PLCB1: variants seen among roughly 807,000 people sequenced by gnomAD.
PLCB1 encodes phospholipase C beta 1.
Under a neutral mutation model 161.8 loss-of-function variants are expected in PLCB1, and 46 were observed. The observed-to-expected ratio is 0.28, with a 90% CI of 0.22 to 0.36. The LOEUF (loss-of-function observed/expected upper bound fraction) is 0.36. Ranked by LOEUF, PLCB1 falls within the 10% of genes least tolerant of loss-of-function variation. PLCB1 has a pLI of 1.00. For missense variants in PLCB1, 1,016 were observed against 1,472.5 expected, an observed-to-expected ratio of 0.69 and a Z score of 5.07; for synonymous variants, 517 against 503.7, an observed-to-expected ratio of 1.03 and a Z score of -0.35.
intron 3 of PLCB1, among the ~76,000 whole-genome samples, chr20:8,541,939 A>G (rs1430615207): frequency 6.6e-6 from 1 of 152,232 alleles, no homozygotes; most frequent in Non-Finnish European, 1.5e-5. Flanking sequence ...TAGCTGCAGA[A>G]CACAGATATG....
At chr20:8,547,553 C>T (rs1029707910) in intron 3 of PLCB1, among the ~76,000 whole-genome samples, 2 of 135,818 alleles carry the variant, frequency 1.5e-5, no homozygotes, top group African/African-American at 2.5e-5. Flanking sequence ...CCATATCTAA[C>T]CCGTTCTATG....
chr20:8,874,468 C>T (rs1177245265), intron 31 of PLCB1, among the ~76,000 whole-genome samples: 1 of 151,866 alleles, frequency 6.6e-6, no homozygotes, highest in Non-Finnish European at 1.5e-5. Context: ...AAAAAAGTCT[C>T]AAGCTTCATT....
intron 2 of PLCB1, among the ~76,000 whole-genome samples, chr20:8,263,915 C>T (rs1330855340): frequency 6.6e-6 from 1 of 152,112 alleles, no homozygotes; most frequent in Non-Finnish European, 1.5e-5. Flanking sequence ...AATTTATAAA[C>T]ACTGTATACT....
At chr20:8,742,439 A>G (rs1309029959) in intron 23 of PLCB1, among the ~76,000 whole-genome samples, 1 of 152,190 alleles carries the variant, frequency 6.6e-6, no homozygotes, top group Non-Finnish European at 1.5e-5. Flanking sequence ...GACATTGTTA[A>G]GTAATGTTTT....
At chr20:8,468,721 A>T (rs936266440) in intron 3 of PLCB1, among the ~76,000 whole-genome samples, 6 of 152,338 alleles carry the variant, frequency 3.9e-5, no homozygotes, top group African/African-American at 1.2e-4. Context: ...AGTAATTATA[A>T]TGGCAACTGC....
chr20:8,610,275 T>A (rs1398247972), intron 3 of PLCB1, among the ~76,000 whole-genome samples: 2 of 152,242 alleles, frequency 1.3e-5, no homozygotes, highest in Non-Finnish European at 2.9e-5. Context: ...CTTAGCATAA[T>A]GTTTTCAAGG....
At chr20:8,280,919 C>G (rs941554174) in intron 2 of PLCB1, among the ~76,000 whole-genome samples, 2 of 152,150 alleles carry the variant, frequency 1.3e-5, no homozygotes, top group East Asian at 3.8e-4. Flanking sequence ...AAAGCCATTT[C>G]CCTGGAAAGG....
intron 27 of PLCB1, among the ~76,000 whole-genome samples, chr20:8,778,482 T>C (rs1244131557): frequency 6.6e-6 from 1 of 151,964 alleles, no homozygotes; most frequent in Non-Finnish European, 1.5e-5. Context: ...GGTGGGAAAA[T>C]TGCACTTGAG....
At chr20:8,269,988 A>C (rs1302637534) in intron 2 of PLCB1, among the ~76,000 whole-genome samples, 1 of 152,122 alleles carries the variant, frequency 6.6e-6, no homozygotes, top group African/African-American at 2.4e-5. Flanking sequence ...TCGAGCTGAA[A>C]AGGACACTTT....
chr20:8,462,233 C>T (rs1015840351), intron 3 of PLCB1, among the ~76,000 whole-genome samples: 7 of 152,108 alleles, frequency 4.6e-5, no homozygotes, highest in South Asian at 2.1e-4. Flanking sequence ...TATATAAACA[C>T]GTTGAGTTGT....
chr20:8,408,415 C>T (rs1978881419), intron 3 of PLCB1, among the ~76,000 whole-genome samples: 1 of 150,436 alleles, frequency 6.6e-6, no homozygotes, highest in African/African-American at 2.5e-5. Flanking sequence ...GGGCAAGACC[C>T]CTTCTTAAAA....
intron 15 of PLCB1, among the ~76,000 whole-genome samples, chr20:8,722,659 A>T (rs1385680259): frequency 6.6e-6 from 1 of 152,148 alleles, no homozygotes; most frequent in Non-Finnish European, 1.5e-5. Flanking sequence ...TAATTTTGGA[A>T]CACTAGAGCT....
intron 2 of PLCB1, among the ~76,000 whole-genome samples, chr20:8,339,082 C>A (rs1220339432): frequency 6.6e-6 from 1 of 152,152 alleles, no homozygotes; most frequent in African/African-American, 2.4e-5. Flanking sequence ...CAGTTGTAAG[C>A]TATGATGAGT....
At chr20:8,292,915 A>G (rs1983453841) in intron 2 of PLCB1, among the ~76,000 whole-genome samples, 1 of 152,214 alleles carries the variant, frequency 6.6e-6, no homozygotes, top group African/African-American at 2.4e-5. Flanking sequence ...TGCTGTACCC[A>G]GAACGTAGCA....
At chr20:8,145,348 A>G (rs574303465) in intron 1 of PLCB1, among the ~76,000 whole-genome samples, 27 of 152,208 alleles carry the variant, frequency 1.8e-4, no homozygotes, top group Middle Eastern at 6.8e-3. Flanking sequence ...TTTTAACTTA[A>G]TCATATCTGT....
intron 4 of PLCB1, among the ~76,000 whole-genome samples, chr20:8,631,523 A>T (rs1273177479): frequency 6.6e-6 from 1 of 152,188 alleles, no homozygotes; most frequent in Non-Finnish European, 1.5e-5. Context: ...CACTGAATAC[A>T]ATGGGGGAAG....
At chr20:8,187,323 C>T (rs1434965961) in intron 2 of PLCB1, among the ~76,000 whole-genome samples, 1 of 152,096 alleles carries the variant, frequency 6.6e-6, no homozygotes, top group East Asian at 1.9e-4. Flanking sequence ...TGTCTCCTTT[C>T]TTCCCCTTTC....
chr20:8,507,243 TCTTA>T (rs1210964986), intron 3 of PLCB1, among the ~76,000 whole-genome samples: 1 of 152,160 alleles, frequency 6.6e-6, no homozygotes, highest in African/African-American at 2.4e-5. Context: ...GAGGACTTGG[TCTTA>T]CTGTCTCAGG....
intron 2 of PLCB1, among the ~76,000 whole-genome samples, chr20:8,189,110 G>A (rs888165489): frequency 6.6e-5 from 10 of 151,648 alleles, no homozygotes; most frequent in South Asian, 2.1e-4. Flanking sequence ...CTAGGATTCC[G>A]CATATAAGTG....
Sources: gnomAD v4.1 joint callset for allele counts (sites outside exome capture counted in the v4.1 genomes callset) on GRCh38, gnomAD v4.1.1 for gene constraint, MANE v1.5 for transcripts, NCBI Gene and HGNC (gene_info 2026-07-23, HGNC 2026-07-21) for gene names.